DLGAP2: variants seen among roughly 807,000 people sequenced by gnomAD.
The protein encoded by DLGAP2 is disks large-associated protein 2.
DLGAP2 carries 26 observed loss-of-function variants against 100.3 expected under a neutral mutation model. That is an observed-to-expected ratio of 0.26 (90% CI 0.19 to 0.36). The LOEUF is 0.36. Ranked by LOEUF, DLGAP2 falls within the 10% of genes least tolerant of loss-of-function variation. The pLI is 1.00. For missense variants in DLGAP2, 1,858 were observed against 1,453.2 expected, an observed-to-expected ratio of 1.28 and a Z score of -4.53; for synonymous variants, 886 against 630.1, an observed-to-expected ratio of 1.41 and a Z score of -6.08.
intron 2 of DLGAP2, among the ~76,000 whole-genome samples, chr8:965,892 C>G (rs1208305965): frequency 1.3e-5 from 2 of 152,154 alleles, no homozygotes; most frequent in Admixed American, 6.5e-5. Flanking sequence ...CTGTTCACCA[C>G]CGCATGTGGC....
intron 1 of DLGAP2, among the ~76,000 whole-genome samples, chr8:794,678 A>G (rs1434583269): frequency 1.3e-5 from 2 of 152,178 alleles, no homozygotes; most frequent in African/African-American, 4.8e-5. Context: ...CTTGGGCATT[A>G]GGGCCATTAT....
At position 1,565,702 on chromosome 8, in the gene DLGAP2, G is replaced by A; in HGVS notation, c.1250G>A (p.Gly417Glu). The A allele has an allele frequency of 6.2e-7, 1 of 1,613,102 alleles. No individual in the cohort carries two copies. The highest frequency in any genetic ancestry group is 8.5e-7 in the Non-Finnish European group (1 of 1,179,456). The part of the protein sequence containing the change: ...HYLQVPQDEW[G>E]GYPTGGKDEE... Reference sequence around the variant, plus strand: ...TCCCAGGTACCTCAGGATGAGTGGGGAGGGTACCCCACCGGTGGCAAAGAT... The same window carrying A: ...TCCCAGGTACCTCAGGATGAGTGGGAAGGGTACCCCACCGGTGGCAAAGAT... The change falls in exon 6 of 15, where the codon GGA becomes GAA. Residue 417 changes from glycine to glutamate, a missense_variant. Coordinates refer to ENST00000637795, the MANE Select transcript of DLGAP2 (RefSeq NM_001346810.2).
intron 3 of DLGAP2, among the ~76,000 whole-genome samples, chr8:1,364,546 G>C (rs367849214): frequency 6.6e-6 from 1 of 152,176 alleles, no homozygotes; most frequent in Non-Finnish European, 1.5e-5. Context: ...TGGAGGACTG[G>C]GGCTGGCGGG....
intron 2 of DLGAP2, among the ~76,000 whole-genome samples, chr8:1,242,875 G>A (rs1798828332): frequency 2.6e-5 from 4 of 151,892 alleles, no homozygotes; most frequent in South Asian, 2.1e-4. Flanking sequence ...TGTGTGGATG[G>A]TCAGACAGAC....
chr8:1,185,614 G>A (rs547227204), intron 2 of DLGAP2, among the ~76,000 whole-genome samples: 1 of 152,086 alleles, frequency 6.6e-6, no homozygotes, highest in East Asian at 1.9e-4. Context: ...TGGTAAAAAA[G>A]AAAATGTAAA....
At chr8:1,342,232 C>T (rs987188012) in intron 3 of DLGAP2, among the ~76,000 whole-genome samples, 1 of 152,114 alleles carries the variant, frequency 6.6e-6, no homozygotes, top group Non-Finnish European at 1.5e-5. Context: ...CAGGTGTGAG[C>T]CACCGCACCT....
intron 3 of DLGAP2, among the ~76,000 whole-genome samples, chr8:1,495,730 T>G (rs1222040684): frequency 6.6e-6 from 1 of 152,190 alleles, no homozygotes; most frequent in African/African-American, 2.4e-5. Flanking sequence ...CAGCTCCAGC[T>G]CGAGTGGTGG....
chr8:1,667,605 C>G (rs1451318431), intron 8 of DLGAP2, among the ~76,000 whole-genome samples: 1 of 152,216 alleles, frequency 6.6e-6, no homozygotes, highest in African/African-American at 2.4e-5. Flanking sequence ...GAAAAACACA[C>G]AAGCCCAAGA....
chr8:1,433,611 C>G (rs1356690512), intron 3 of DLGAP2, among the ~76,000 whole-genome samples: 1 of 144,146 alleles, frequency 6.9e-6, no homozygotes, highest in Non-Finnish European at 1.6e-5. Context: ...GGGCAGCCAA[C>G]GCAGCTGACC....
intron 2 of DLGAP2, among the ~76,000 whole-genome samples, chr8:1,056,937 A>G (rs1363088508): frequency 2.0e-5 from 3 of 152,188 alleles, no homozygotes; most frequent in Non-Finnish European, 4.4e-5. Context: ...CCAAATAGGG[A>G]GGTGAGAATT....
chr8:759,088 T>TCCCATTATCAATACC lies in DLGAP2; in HGVS notation c.18+21265_18+21266insCATTATCAATACCCC, dbSNP rs1563415498. Among the ~76,000 whole-genome samples the TCCCATTATCAATACC allele has an allele frequency of 1.2e-3, 40 of 33,586 alleles. 10 individuals are homozygous for TCCCATTATCAATACC. Among genetic ancestry groups the TCCCATTATCAATACC allele is most frequent in the South Asian group, 3.7e-3 (2 of 542 alleles). The allele number at this position is 33,586 out of a possible 152,430, so 22.0% of individuals were successfully genotyped here. A position where few individuals can be genotyped will look rare whatever the true frequency, so the allele number is the denominator to read the frequency against. ...CCATTATCAATACCCCCCACAGCCT[T>TCCCATTATCAATACC]CCTGTTATCAATACCCCCGACAGCC... On this transcript the variant is annotated intron_variant, in intron 1 of 14. Transcript: ENST00000637795.
At chr8:1,275,123 A>C (rs1422100221) in intron 3 of DLGAP2, among the ~76,000 whole-genome samples, 1 of 152,290 alleles carries the variant, frequency 6.6e-6, no homozygotes, top group East Asian at 1.9e-4. Flanking sequence ...GCACTGGCTC[A>C]ATGTCATGGT....
chr8:1,447,782 CAG>C (rs1256147538), intron 3 of DLGAP2, among the ~76,000 whole-genome samples: 4 of 152,170 alleles, frequency 2.6e-5, no homozygotes, highest in Middle Eastern at 3.2e-3. Context: ...CTGGTCTATT[CAG>C]AGAGTCAACT....
At chr8:1,216,694 A>G (rs189178386) in intron 2 of DLGAP2, among the ~76,000 whole-genome samples, 1 of 151,978 alleles carries the variant, frequency 6.6e-6, no homozygotes, top group African/African-American at 2.4e-5. Flanking sequence ...AAACTGCACT[A>G]TACGATCTCA....
chr8:1,459,177 C>T (rs6986606), intron 3 of DLGAP2, among the ~76,000 whole-genome samples: 50 of 133,506 alleles, frequency 3.7e-4, no homozygotes, highest in African/African-American at 1.4e-3. Flanking sequence ...ACAGGAGTGA[C>T]AGCCAGCTGG....
chr8:1,155,928 C>T (rs1796775455), intron 2 of DLGAP2, among the ~76,000 whole-genome samples: 1 of 152,316 alleles, frequency 6.6e-6, no homozygotes, highest in Admixed American at 6.5e-5. Flanking sequence ...GAGGGAGCTT[C>T]GGGGCTCGGG....
intron 1 of DLGAP2, among the ~76,000 whole-genome samples, chr8:811,444 C>A (rs1011675257): frequency 2.0e-5 from 3 of 148,364 alleles, no homozygotes; most frequent in Admixed American, 6.7e-5. Context: ...GGATGAAGCT[C>A]CCATCAACCT....
At chr8:1,551,206 T>C (rs1229091666) in intron 5 of DLGAP2, among the ~76,000 whole-genome samples, 1 of 152,270 alleles carries the variant, frequency 6.6e-6, no homozygotes, top group Non-Finnish European at 1.5e-5. Context: ...TAAATTTTGT[T>C]TGCCGTCGGC....
At chr8:1,323,618 C>T (rs192032012) in intron 3 of DLGAP2, among the ~76,000 whole-genome samples, 2 of 152,336 alleles carry the variant, frequency 1.3e-5, no homozygotes, top group East Asian at 1.9e-4. Flanking sequence ...GATGCAGATA[C>T]GGAGCGGGCA....
Sources: allele counts gnomAD v4.1 joint callset (sites outside exome capture counted in the v4.1 genomes callset), GRCh38; gene constraint gnomAD v4.1.1; transcripts MANE v1.5; gene names NCBI Gene and HGNC (gene_info 2026-07-23, HGNC 2026-07-21).